Variants in LMNTD1 observed in about 807,000 individuals in gnomAD.
The protein encoded by LMNTD1 is lamin tail domain containing 1.
In LMNTD1, 35 loss-of-function variants were observed where a neutral mutation model predicts 50.9. That is an observed-to-expected ratio of 0.69 (90% CI 0.53 to 0.91). The LOEUF (loss-of-function observed/expected upper bound fraction) is 0.91, where lower values mean the gene tolerates loss of function less well. Ranked by LOEUF, LMNTD1 falls within the 40% of genes least tolerant of loss-of-function variation. The probability of loss-of-function intolerance (pLI) is 0.00; values close to 1 mark genes in which losing one functional copy is unlikely to be tolerated. For missense variants in LMNTD1, 470 were observed against 475.5 expected (o/e 0.99, Z 0.11); for synonymous variants, 153 against 161.9 (o/e 0.94, Z 0.42).
intron 1 of LMNTD1, among the ~76,000 whole-genome samples, chr12:25,576,611 G>T (rs1035350391): frequency 2.6e-5 from 4 of 152,194 alleles, no homozygotes; most frequent in Non-Finnish European, 4.4e-5. Flanking sequence ...CAGATGGGAA[G>T]ATTGTAAAAA....
chr12:25,488,041 C>T (rs1182724993), intron 9 of LMNTD1, among the ~76,000 whole-genome samples: 7 of 147,998 alleles, frequency 4.7e-5, no homozygotes, highest in Non-Finnish European at 9.0e-5. Flanking sequence ...GGTAACCCGA[C>T]CTTTCTCTCT....
At chr12:25,536,774 G>A (rs7955360) in intron 4 of LMNTD1, among the ~76,000 whole-genome samples, 4,847 of 144,882 alleles carry the variant, frequency 0.033, 147 homozygotes, top group African/African-American at 0.1. Flanking sequence ...CAGCCTGAGC[G>A]ACGCAGAAGA....
intron 9 of LMNTD1, among the ~76,000 whole-genome samples, chr12:25,487,470 T>A (rs1938692928): frequency 7.1e-6 from 1 of 139,882 alleles, no homozygotes. Context: ...TGCCTTTTTT[T>A]GTTTTCCATT....
At chr12:25,521,225 C>A (rs1941295826) in intron 6 of LMNTD1, among the ~76,000 whole-genome samples, 1 of 152,042 alleles carries the variant, frequency 6.6e-6, no homozygotes, top group African/African-American at 2.4e-5. Flanking sequence ...TGACATACTC[C>A]ATGCCCACTT....
At chr12:25,541,831 G>A (rs1448284079) in intron 4 of LMNTD1, among the ~76,000 whole-genome samples, 1 of 139,112 alleles carries the variant, frequency 7.2e-6, no homozygotes, top group Non-Finnish European at 1.6e-5. Flanking sequence ...ATCTGACAAA[G>A]GGCTAATATC....
intron 9 of LMNTD1, among the ~76,000 whole-genome samples, chr12:25,498,864 C>T (rs1939220215): frequency 6.6e-6 from 1 of 152,216 alleles, no homozygotes; most frequent in South Asian, 2.1e-4. Flanking sequence ...TTCATTTTCT[C>T]TAGACTTGGA....
chr12:25,483,316 C>T (rs965993425), intron 9 of LMNTD1, among the ~76,000 whole-genome samples: 30 of 151,678 alleles, frequency 2.0e-4, no homozygotes, highest in African/African-American at 5.3e-4. Flanking sequence ...CCCAGCTACT[C>T]GGGAGGCTGA....
At chr12:25,519,578 ACT>A (rs1355731815) in intron 7 of LMNTD1, among the ~76,000 whole-genome samples, 3 of 113,310 alleles carry the variant, frequency 2.6e-5, no homozygotes, top group African/African-American at 9.0e-5. Context: ...ACAGAGCGAG[ACT>A]CTGTCTCAAA....
chr12:25,527,668 A>ATC, intron 4 of LMNTD1, among the ~76,000 whole-genome samples: 1 of 21,340 alleles, frequency 4.7e-5, no homozygotes, highest in African/African-American at 1.1e-4. Flanking sequence ...ATATATATAT[A>ATC]TATATATATA....
At chr12:25,566,107 C>T (rs1013887627) in intron 1 of LMNTD1, among the ~76,000 whole-genome samples, 2 of 152,040 alleles carry the variant, frequency 1.3e-5, no homozygotes, top group African/African-American at 4.8e-5. Context: ...GTTCTATAAG[C>T]TTCTTATACT....
In LMNTD1 at chr12:25,516,017, G is replaced by A. The variant is rs913083094; in HGVS notation, c.1189+2778C>T. 2.0e-5 allele frequency among the ~76,000 whole-genome samples: 3 copies of A among 152,006 alleles called. No homozygotes were observed. The East Asian group carries it at 5.8e-4, about 29-fold the overall frequency. On this transcript the variant is annotated intron_variant, in intron 8 of 9. Coordinates refer to ENST00000458174, the MANE Select transcript of LMNTD1 (RefSeq NM_001145728.2). ...GTAGCAGGCAAATTAAAAAGATAGT[G>A]GATAATTAACAAACCATGTAACTTT...
intron 1 of LMNTD1, among the ~76,000 whole-genome samples, chr12:25,588,758 T>C (rs1488733790): frequency 1.3e-5 from 2 of 152,156 alleles, no homozygotes; most frequent in Non-Finnish European, 2.9e-5. Context: ...ATGTTTTATG[T>C]ATTTTTGCAA....
intron 1 of LMNTD1, among the ~76,000 whole-genome samples, chr12:25,620,152 C>G (rs1437995163): frequency 6.6e-6 from 1 of 152,222 alleles, no homozygotes; most frequent in Non-Finnish European, 1.5e-5. Flanking sequence ...AACAGAGCTG[C>G]TCTTCCAGAA....
At chr12:25,552,110 T>G (rs1565471803) in intron 2 of LMNTD1, among the ~76,000 whole-genome samples, 1 of 152,184 alleles carries the variant, frequency 6.6e-6, no homozygotes, top group Non-Finnish European at 1.5e-5. Context: ...TTATGTATAC[T>G]CAATAAGTCA....
chr12:25,572,491 A>C (rs1944836492), intron 1 of LMNTD1, among the ~76,000 whole-genome samples: 1 of 152,198 alleles, frequency 6.6e-6, no homozygotes, highest in African/African-American at 2.4e-5. Flanking sequence ...TCATTTTCAT[A>C]GTGTCACTAG....
At chr12:25,521,138 CTT>C (rs34816626) in intron 6 of LMNTD1, among the ~76,000 whole-genome samples, 4 of 151,334 alleles carry the variant, frequency 2.6e-5, no homozygotes, top group East Asian at 1.9e-4. Context: ...GGTTTGCAAA[CTT>C]TTTTTTTTCC....
intron 1 of LMNTD1, among the ~76,000 whole-genome samples, chr12:25,558,711 C>T (rs1300321326): frequency 6.6e-6 from 1 of 152,154 alleles, no homozygotes; most frequent in Non-Finnish European, 1.5e-5. Flanking sequence ...AGGGTTGTCT[C>T]ACATGGCGGC....
At chr12:25,625,098 G>C (rs1171787435) in intron 1 of LMNTD1, among the ~76,000 whole-genome samples, 2 of 152,128 alleles carry the variant, frequency 1.3e-5, no homozygotes. Flanking sequence ...GTGTTAATGG[G>C]CATAGCTCTG....
intron 4 of LMNTD1, among the ~76,000 whole-genome samples, chr12:25,529,885 T>C (rs1347272136): frequency 6.6e-6 from 1 of 152,094 alleles, no homozygotes; most frequent in Non-Finnish European, 1.5e-5. Context: ...CTTCCTACCT[T>C]ATGCTGAAAC....
Sources: gnomAD v4.1 joint callset for allele counts (sites outside exome capture counted in the v4.1 genomes callset) on GRCh38, gnomAD v4.1.1 for gene constraint, MANE v1.5 for transcripts, NCBI Gene and HGNC (gene_info 2026-07-23, HGNC 2026-07-21) for gene names.